The following PPIH variants were observed in gnomAD, a reference collection of about 807,000 sequenced individuals.
PPIH encodes the protein peptidylprolyl isomerase H.
In PPIH, 16 loss-of-function variants were observed where a neutral mutation model predicts 27.6. The ratio of observed to expected loss-of-function variants is 0.58; its 90% CI spans 0.39 to 0.88. PPIH has a LOEUF of 0.88. PPIH is among the 40% of genes least tolerant of loss of function. The pLI, the probability that PPIH is intolerant of heterozygous loss-of-function variation, is 0.00. For missense variants in PPIH, 155 were observed against 224.1 expected (o/e 0.69, Z 1.97); for synonymous variants, 63 against 76.1 (o/e 0.83, Z 0.90).
chr1:42,672,685 T>C (rs918851366), intron 9 of PPIH, among the ~76,000 whole-genome samples: 19 of 152,006 alleles, frequency 1.2e-4, no homozygotes, highest in African/African-American at 4.6e-4. Context: ...CTCACTCCGT[T>C]GCCCAGGCTG....
chr1:42,673,127 T>C (rs558703988), intron 9 of PPIH, among the ~76,000 whole-genome samples: 1 of 151,920 alleles, frequency 6.6e-6, no homozygotes, highest in Admixed American at 6.6e-5. Flanking sequence ...CCTTAGTAGG[T>C]GGGATTATAG....
At chr1:42,659,007 T>C (rs776949586) in intron 2 of PPIH, 99 bp downstream of exon 2, 35 of 1,407,684 alleles carry the variant, frequency 2.5e-5, no homozygotes, top group Non-Finnish European at 3.3e-5. Context: ...GTCCGCTCAC[T>C]GCTCTTGAGA....
At chr1:42,663,188 GTAGT>G in intron 5 of PPIH, among the ~76,000 whole-genome samples, 1 of 152,306 alleles carries the variant, frequency 6.6e-6, no homozygotes, top group South Asian at 2.1e-4. Context: ...ATATGTATGT[GTAGT>G]TAGTTAATGA....
intron 5 of PPIH, among the ~76,000 whole-genome samples, chr1:42,663,986 T>G (rs1167534532): frequency 6.6e-6 from 1 of 152,198 alleles, no homozygotes; most frequent in African/African-American, 2.4e-5. Context: ...TCAAATTGTT[T>G]TATTACCCAG....
chr1:42,658,659 A>C, intron 1 of PPIH, 147 bp downstream of exon 1: 1 of 1,129,780 alleles, frequency 8.9e-7, no homozygotes, highest in Non-Finnish European at 1.3e-6. Flanking sequence ...GGCGGGGGGA[A>C]AGGAGGAGGA....
chr1:42,663,977 C>T (rs945900119), intron 5 of PPIH, among the ~76,000 whole-genome samples: 5 of 152,100 alleles, frequency 3.3e-5, no homozygotes, highest in African/African-American at 4.8e-5. Flanking sequence ...TGGCCTTGGT[C>T]AAATTGTTTT....
intron 2 of PPIH, 89 bp downstream of exon 2, chr1:42,658,997 GTCCGCTCACTGC>G: frequency 6.9e-7 from 1 of 1,441,356 alleles, no homozygotes; most frequent in South Asian, 1.2e-5. Context: ...ACCTCTGTCC[GTCCGCTCACTGC>G]TCTTGAGACC....
At position 42,659,125 on chromosome 1, in the gene PPIH, T is replaced by C. The variant is rs1648848621; in HGVS notation, c.132-103T>C. 5 of 1,547,120 alleles carry C rather than the reference T, an allele frequency of 3.2e-6. No individual in the cohort carries two copies. In the South Asian group the frequency reaches 3.6e-5, roughly 11 times the overall value. On this transcript the variant is annotated intron_variant, in intron 2 of 9. Coordinates refer to ENST00000304979, the MANE Select transcript of PPIH (RefSeq NM_006347.4). ...CGTGTCTGGACGTCTGGCTGGCCGATTGGTGGACTTGCTGGCTCCAGTGTT... is the reference window on the plus strand; with the variant it reads ...CGTGTCTGGACGTCTGGCTGGCCGACTGGTGGACTTGCTGGCTCCAGTGTT...
rs1163051107 is a variant in PPIH at position 42,658,829 on chromosome 1, T to C, written c.67-15T>C. ...TCTTGGACTGGGCCTTCTGACACTC[T>C]CCCGCTGATTGCAGGAAGTTGGCCG... On this transcript the variant is annotated splice_polypyrimidine_tract_variant and intron_variant, in intron 1 of 9. Coordinates refer to ENST00000304979, the MANE Select transcript of PPIH (RefSeq NM_006347.4). The C allele has an allele frequency of 1.2e-6, 2 of 1,614,030 alleles. No individual in the cohort carries two copies. The highest frequency in any genetic ancestry group is 2.7e-5 in the African/African-American group (2 of 74,928).
intron 9 of PPIH, among the ~76,000 whole-genome samples, chr1:42,675,695 G>A (rs1649845647): frequency 6.6e-6 from 1 of 152,194 alleles, no homozygotes; most frequent in South Asian, 2.1e-4. Flanking sequence ...AGAGGAGGGG[G>A]ACAATAGTAT....
downstream of PPIH, among the ~76,000 whole-genome samples, chr1:42,677,266 G>C (rs756487467): frequency 1.1e-4 from 17 of 152,242 alleles, no homozygotes; most frequent in Middle Eastern, 6.8e-3. Flanking sequence ...TTGAGGCCAG[G>C]AGTTCAAGAC....
In PPIH at chr1:42,661,771, G is replaced by A. The variant is rs578122409; in HGVS notation, c.243+867G>A. ...CAGGGTTGCAGAGTGGCAGGTTTTAGGCCGAATTACGTTTTTACCTATGTT... is the reference window on the plus strand; with the variant it reads ...CAGGGTTGCAGAGTGGCAGGTTTTAAGCCGAATTACGTTTTTACCTATGTT... On this transcript the variant is annotated intron_variant, in intron 5 of 9. Coordinates refer to ENST00000304979, the MANE Select transcript of PPIH (RefSeq NM_006347.4). 2.6e-5 allele frequency among the ~76,000 whole-genome samples: 4 copies of A among 152,210 alleles called. No individual in the cohort carries two copies. In the East Asian group the frequency reaches 7.7e-4, roughly 29 times the overall value.
chr1:42,660,446 T>C (rs999842939), intron 4 of PPIH, among the ~76,000 whole-genome samples: 1 of 152,212 alleles, frequency 6.6e-6, no homozygotes, highest in Non-Finnish European at 1.5e-5. Context: ...TTTTGTTTTT[T>C]TGAGACAGAG....
At chr1:42,673,906 T>C (rs1455363986) in intron 9 of PPIH, among the ~76,000 whole-genome samples, 3 of 152,266 alleles carry the variant, frequency 2.0e-5, no homozygotes, top group East Asian at 3.8e-4. Flanking sequence ...TTTGAATGAC[T>C]AAGGTTTAGG....
chr1:42,662,293 C>T (rs1649079593), intron 5 of PPIH, among the ~76,000 whole-genome samples: 1 of 152,202 alleles, frequency 6.6e-6, no homozygotes, highest in African/African-American at 2.4e-5. Context: ...TCTGTAATCC[C>T]AGTACCTTGG....
chr1:42,659,674 A>C, intron 4 of PPIH, 108 bp downstream of exon 4: 1 of 1,486,688 alleles, frequency 6.7e-7, no homozygotes, highest in Non-Finnish European at 8.9e-7. Context: ...TTTCTTGAGA[A>C]GAAATGTTTT....
chr1:42,677,420 C>T (rs1312322121), downstream of PPIH, among the ~76,000 whole-genome samples: 2 of 151,998 alleles, frequency 1.3e-5, no homozygotes, highest in Non-Finnish European at 2.9e-5. Flanking sequence ...TGCAGTGAGC[C>T]GAGATCGCGC....
intron 5 of PPIH, among the ~76,000 whole-genome samples, chr1:42,662,632 A>G (rs1022696559): frequency 1.6e-4 from 25 of 152,058 alleles, no homozygotes; most frequent in Admixed American, 2.6e-4. Context: ...AAAAATCAGA[A>G]TTTGAGACCT....
At chr1:42,667,300 G>C in intron 8 of PPIH, 51 bp from the exon 9 acceptor site, 1 of 1,504,868 alleles carries the variant, frequency 6.6e-7, no homozygotes, top group Non-Finnish European at 9.2e-7. Flanking sequence ...TTTGATAAGG[G>C]AACGAGGAAG....
Sources: gnomAD v4.1 joint callset for allele counts (sites outside exome capture counted in the v4.1 genomes callset) on GRCh38, gnomAD v4.1.1 for gene constraint, MANE v1.5 for transcripts, NCBI Gene and HGNC (gene_info 2026-07-23, HGNC 2026-07-21) for gene names.